Variants in SGPP2 observed in about 807,000 individuals in gnomAD.
SGPP2 encodes sphingosine-1-phosphate phosphatase 2, also known as sphingosine 1-phosphate phosphohydrolase 2.
A neutral mutation model predicts 33.9 loss-of-function variants in SGPP2; 30 were observed. The ratio of observed to expected loss-of-function variants is 0.89; its 90% CI spans 0.66 to 1.20. SGPP2 has a LOEUF of 1.20. Among genes scored for constraint, SGPP2 ranks in the 50% most tolerant of loss-of-function variants. SGPP2 has a pLI of 0.00. For synonymous variants in SGPP2, 233 were observed against 225.0 expected, an observed-to-expected ratio of 1.04 and a Z score of -0.32; for missense variants, 458 against 532.1, an observed-to-expected ratio of 0.86 and a Z score of 1.37.
intron 1 of SGPP2, among the ~76,000 whole-genome samples, chr2:222,471,568 T>C (rs1238492465): frequency 1.3e-5 from 2 of 152,172 alleles, no homozygotes; most frequent in Non-Finnish European, 2.9e-5. Context: ...CACCTGGCTC[T>C]TCCAAGTATG....
At chr2:222,429,972 A>T (rs757738382) in intron 1 of SGPP2, among the ~76,000 whole-genome samples, 1 of 152,218 alleles carries the variant, frequency 6.6e-6, no homozygotes, top group Admixed American at 6.5e-5. Context: ...ATTTCCAGTC[A>T]ACATCCATTG....
chr2:222,449,619 G>A (rs749703509), intron 1 of SGPP2, among the ~76,000 whole-genome samples: 22 of 152,012 alleles, frequency 1.4e-4, no homozygotes, highest in Non-Finnish European at 2.9e-4. Flanking sequence ...ATAGGCACCT[G>A]CCACCACGCC....
chr2:222,538,176 C>T (rs1364653321), intron 4 of SGPP2, among the ~76,000 whole-genome samples: 1 of 152,108 alleles, frequency 6.6e-6, no homozygotes, highest in Non-Finnish European at 1.5e-5. Flanking sequence ...AGGGCTTGGT[C>T]CTTCCTCCTA....
At chr2:222,495,524 A>G (rs1053707422) in intron 2 of SGPP2, among the ~76,000 whole-genome samples, 10 of 152,236 alleles carry the variant, frequency 6.6e-5, no homozygotes, top group Non-Finnish European at 1.5e-5. Flanking sequence ...CTCTTGGCTT[A>G]AAAATGAGAG....
At chr2:222,548,237 A>G (rs1574890821) in intron 4 of SGPP2, among the ~76,000 whole-genome samples, 1 of 152,368 alleles carries the variant, frequency 6.6e-6, no homozygotes, top group South Asian at 2.1e-4. Flanking sequence ...TTGCCCCCAT[A>G]TGACATGGAA....
intron 2 of SGPP2, among the ~76,000 whole-genome samples, chr2:222,490,695 T>C (rs1287832923): frequency 6.6e-6 from 1 of 151,864 alleles, no homozygotes; most frequent in Non-Finnish European, 1.5e-5. Flanking sequence ...TCCTTTCATC[T>C]TGGCCTCTCA....
At chr2:222,530,027 G>T (rs903915898) in intron 4 of SGPP2, among the ~76,000 whole-genome samples, 1 of 152,208 alleles carries the variant, frequency 6.6e-6, no homozygotes, top group Non-Finnish European at 1.5e-5. Context: ...AGGTGACCAG[G>T]TGTATTGTCC....
At chr2:222,534,934 A>G (rs1309830299) in intron 4 of SGPP2, among the ~76,000 whole-genome samples, 1 of 152,216 alleles carries the variant, frequency 6.6e-6, no homozygotes, top group East Asian at 1.9e-4. Context: ...TTAACCACCA[A>G]AGGAGAAGTT....
intron 2 of SGPP2, among the ~76,000 whole-genome samples, chr2:222,486,622 G>C (rs1423685177): frequency 6.6e-6 from 1 of 152,146 alleles, no homozygotes; most frequent in South Asian, 2.1e-4. Context: ...CTAGATGCGG[G>C]GTTGTGGCCT....
At position 222,446,912 on chromosome 2, in the gene SGPP2, G is replaced by A. The variant is rs376000027; in HGVS notation, c.219+22091G>A. Among the ~76,000 whole-genome samples, 44 of 152,316 alleles carry A rather than the reference G, an allele frequency of 2.9e-4. 2 individuals carry two copies. The highest frequency in any genetic ancestry group is 1.4e-3 in the Admixed American group (21 of 15,304). On this transcript the variant is annotated intron_variant, in intron 1 of 4. Transcript: ENST00000321276. The stretch of plus-strand genomic sequence containing the variant: ...AAGGATTGAGTTGTAAAGGAAGTCC[G>A]TAAACTCAGTAGTAAAGAAATTTTT...
chr2:222,540,344 G>A (rs781752559), intron 4 of SGPP2, among the ~76,000 whole-genome samples: 1 of 152,100 alleles, frequency 6.6e-6, no homozygotes, highest in African/African-American at 2.4e-5. Flanking sequence ...TTCATGTGAT[G>A]TCATGTCAGT....
chr2:222,498,475 A>G (rs1380908420), intron 2 of SGPP2: 1 of 152,178 alleles, frequency 6.6e-6, no homozygotes. Context: ...TAATTACTAA[A>G]GGATCACTGA....
At chr2:222,452,289 A>C in intron 1 of SGPP2, 2 of 545,006 alleles carry the variant, frequency 3.7e-6, no homozygotes, top group Non-Finnish European at 6.8e-6. Context: ...AATGGAAACC[A>C]GAACATGTGG....
At chr2:222,545,520 G>C (rs982347977) in intron 4 of SGPP2, among the ~76,000 whole-genome samples, 2 of 152,030 alleles carry the variant, frequency 1.3e-5, no homozygotes, top group African/African-American at 4.8e-5. Context: ...GACCTTAATT[G>C]ATCTGCCCAC....
Position 222,465,454 on chromosome 2 carries a change from C to T in SGPP2, c.220-9114C>T, listed in dbSNP as rs1014545449. 2.6e-5 allele frequency among the ~76,000 whole-genome samples: 4 copies of T among 151,806 alleles called. No individual in the cohort carries two copies. The highest frequency in any genetic ancestry group is 4.4e-5 in the Non-Finnish European group (3 of 67,984). On this transcript the variant is annotated intron_variant, in intron 1 of 4. Coordinates refer to ENST00000321276, the MANE Select transcript of SGPP2 (RefSeq NM_152386.4). This position sits in a 1 kb window ranked among gnomAD's most constrained non-coding sequence, Gnocchi z 4.1. ...AAAAAAAGTGAGTAATTAAAAGTGA[C>T]GGGCCAGGTTAGTAAATAGATTTGT...
intron 1 of SGPP2, 110 bp downstream of exon 1, chr2:222,424,931 G>C: frequency 2.2e-6 from 2 of 898,002 alleles, no homozygotes; most frequent in Non-Finnish European, 1.5e-6. Context: ...CGCCGTCCCC[G>C]GCAGTGACCC....
At chr2:222,556,549 C>T (rs529638578) in intron 4 of SGPP2, among the ~76,000 whole-genome samples, 95 of 132,178 alleles carry the variant, frequency 7.2e-4, no homozygotes, top group African/African-American at 2.5e-3. Context: ...TGCCTACCAC[C>T]CTCACTCCTC....
At chr2:222,470,045 A>T (rs924154928) in intron 1 of SGPP2, among the ~76,000 whole-genome samples, 6 of 152,212 alleles carry the variant, frequency 3.9e-5, no homozygotes, top group African/African-American at 1.4e-4. Context: ...GTTCTCACTC[A>T]TAAGTGGGAG....
chr2:222,487,940 A>G (rs1225557270), intron 2 of SGPP2, among the ~76,000 whole-genome samples: 1 of 152,130 alleles, frequency 6.6e-6, no homozygotes, highest in Non-Finnish European at 1.5e-5. Context: ...CCCATACTCC[A>G]CAGGACAGGA....
Sources: allele counts gnomAD v4.1 joint callset (sites outside exome capture counted in the v4.1 genomes callset), GRCh38; gene constraint gnomAD v4.1.1; non-coding constraint Gnocchi (gnomAD v3.1); transcripts MANE v1.5; gene names NCBI Gene and HGNC (gene_info 2026-07-23, HGNC 2026-07-21).